The following R3HDM1 variants were observed in gnomAD, a reference collection of about 807,000 sequenced individuals.
R3HDM1 encodes the protein R3H domain containing 1, also known as R3H domain-containing protein 1.
In R3HDM1, 46 loss-of-function variants were observed where a neutral mutation model predicts 141.1. The ratio of observed to expected loss-of-function variants is 0.33; its 90% CI spans 0.26 to 0.42. R3HDM1 has a LOEUF of 0.42. R3HDM1 is among the 10% of genes least tolerant of loss of function. R3HDM1 has a pLI of 1.00. For missense variants in R3HDM1, 1,184 were observed against 1,368.3 expected (o/e 0.87, Z 2.12); for synonymous variants, 435 against 472.9 (o/e 0.92, Z 1.04).
At chr2:135,612,042 T>C (rs2060598003) in intron 3 of R3HDM1, among the ~76,000 whole-genome samples, 2 of 152,228 alleles carry the variant, frequency 1.3e-5, no homozygotes, top group African/African-American at 4.8e-5. Flanking sequence ...TTTGAGTATT[T>C]AACTCTGTGC....
At chr2:135,602,799 C>T in intron 2 of R3HDM1, 91 bp downstream of exon 2, 1 of 1,069,670 alleles carries the variant, frequency 9.3e-7, no homozygotes. Flanking sequence ...GTAACTTCAC[C>T]ACCCTCTCCC....
intron 1 of R3HDM1, chr2:135,566,806 T>A: frequency 1.0e-6 from 1 of 980,818 alleles, no homozygotes; most frequent in Non-Finnish European, 1.2e-6. Flanking sequence ...AAACCCCGTC[T>A]CTACAAAAAT....
Position 135,554,199 on chromosome 2 carries a change from A to T in R3HDM1, c.-250+22566A>T, listed in dbSNP as rs1359842617. On this transcript the variant is annotated intron_variant, in intron 1 of 26. Transcript: ENST00000683871. The stretch of plus-strand genomic sequence containing the variant: ...ACATTCTCCCTCTTCCCCAGTCCTC[A>T]GCAACCACTACTTTTCTGTCTCTAT... Among the ~76,000 whole-genome samples the T allele has an allele frequency of 3.3e-5, 5 of 152,196 alleles. No individual in the cohort carries two copies. The East Asian group carries it at 9.6e-4, about 29-fold the overall frequency.
chr2:135,710,122 C>T lies in R3HDM1; in HGVS notation c.2627C>T (p.Pro876Leu). The change falls in exon 23 of 27, where the codon CCA (proline) becomes CTA (leucine). Residue 876 changes from proline to leucine, a missense_variant. Physicochemically the swap from Pro to Leu is moderately conservative, Grantham distance 98 (BLOSUM62 -3). This residue lies in a region of R3HDM1 where 563 missense variants were observed against 562.0 expected (regional missense o/e 1.00). Transcript: ENST00000683871. ...VMMQLSVPNN[P>L]QSCAHSPPQW... ...ATGCAGCTCAGTGTACCAAACAATC[C>T]ACAATCTTGTGCCCACTCACCCCCG... The T allele has an allele frequency of 6.2e-7, 1 of 1,614,174 alleles. No homozygotes were observed. The highest frequency in any genetic ancestry group is 1.1e-5 in the South Asian group (1 of 91,090).
rs1275214505 is a variant in R3HDM1 at position 135,630,307 on chromosome 2, A to C, written c.498-1411A>C. Among the ~76,000 whole-genome samples, 318 of 146,160 alleles carry C rather than the reference A, an allele frequency of 2.2e-3. 2 individuals carry two copies. The highest frequency in any genetic ancestry group is 7.9e-3 in the African/African-American group (293 of 37,270). ...AAAAAAAAAAAAAAAAAAAAAAAAA[A>C]ACAAAAAAAAAACGAGATTCTCATA... is the stretch of plus-strand genomic sequence containing the variant. On this transcript the variant is annotated intron_variant, in intron 7 of 26. Coordinates refer to ENST00000683871, the MANE Select transcript of R3HDM1 (RefSeq NM_001378107.1).
intron 9 of R3HDM1, among the ~76,000 whole-genome samples, chr2:135,635,319 G>A (rs767686868): frequency 2.0e-5 from 3 of 152,058 alleles, no homozygotes; most frequent in Non-Finnish European, 2.9e-5. Flanking sequence ...GCATTTTTTC[G>A]TAGGTTTAGA....
At chr2:135,643,759 C>T (rs1174052259) in intron 15 of R3HDM1, among the ~76,000 whole-genome samples, 2 of 152,172 alleles carry the variant, frequency 1.3e-5, no homozygotes, top group African/African-American at 4.8e-5. Context: ...GGTACATATA[C>T]ACCATTAAAT....
chr2:135,605,096 C>G, intron 3 of R3HDM1, 80 bp downstream of exon 3: 1 of 1,250,284 alleles, frequency 8.0e-7, no homozygotes, highest in Middle Eastern at 2.9e-4. Context: ...AAACTCACTT[C>G]TCAAAATTCT....
At chr2:135,611,721 TATTTTTATA>T (rs1158737555) in intron 3 of R3HDM1, among the ~76,000 whole-genome samples, 1 of 152,196 alleles carries the variant, frequency 6.6e-6, no homozygotes, top group Non-Finnish European at 1.5e-5. Flanking sequence ...TTCCATAGTA[TATTTTTATA>T]ATTATTTCTA....
At chr2:135,536,842 C>A in intron 1 of R3HDM1, 3 of 443,452 alleles carry the variant, frequency 6.8e-6, no homozygotes, top group Non-Finnish European at 9.0e-6. Context: ...TCAGCGGTGG[C>A]ATTAGATTCT....
intron 19 of R3HDM1, among the ~76,000 whole-genome samples, chr2:135,672,539 T>C (rs993563179): frequency 6.6e-6 from 1 of 152,222 alleles, no homozygotes; most frequent in Non-Finnish European, 1.5e-5. Context: ...CTATTTATAC[T>C]GCTATCCTCA....
intron 1 of R3HDM1, among the ~76,000 whole-genome samples, chr2:135,599,102 G>A (rs2059418725): frequency 1.3e-5 from 2 of 152,046 alleles, no homozygotes; most frequent in African/African-American, 4.8e-5. Flanking sequence ...CTTTTTTAAG[G>A]TTATGACCTT....
Position 135,581,241 on chromosome 2 carries a change from G to A in R3HDM1, c.-249-21259G>A, listed in dbSNP as rs371758538. 16 of 985,364 alleles carry A rather than the reference G, an allele frequency of 1.6e-5. No homozygotes were observed. The East Asian group carries it at 4.5e-4, about 28-fold the overall frequency. The allele number at this position is 985,364 out of a possible 1,614,324, so 61.0% of individuals were successfully genotyped here. A position where few individuals can be genotyped will look rare whatever the true frequency, so the allele number is the denominator to read the frequency against. On this transcript the variant is annotated intron_variant, in intron 1 of 26. Coordinates refer to ENST00000683871, the MANE Select transcript of R3HDM1 (RefSeq NM_001378107.1). ...CCAGAGATACTGTATGAAGAAAGTG[G>A]GGTATAAGATCCTTGAGAGCATTGT...
chr2:135,683,720 G>A (rs947481709), intron 21 of R3HDM1, among the ~76,000 whole-genome samples: 10 of 151,990 alleles, frequency 6.6e-5, no homozygotes, highest in African/African-American at 1.9e-4. Context: ...AGTTTACTTG[G>A]AACCATCACT....
At chr2:135,686,768 A>G (rs57530667) in intron 21 of R3HDM1, among the ~76,000 whole-genome samples, 31,116 of 152,180 alleles carry the variant, frequency 0.2, 3,732 homozygotes, top group East Asian at 0.44. Context: ...ATGTACTGTA[A>G]TGGAACATTA....
intron 21 of R3HDM1, among the ~76,000 whole-genome samples, chr2:135,692,256 C>A (rs2072524587): frequency 6.6e-6 from 1 of 151,176 alleles, no homozygotes; most frequent in South Asian, 2.1e-4. Flanking sequence ...TTGTTTGTGT[C>A]ATGTGGAGTC....
rs750219179 is a variant in R3HDM1 at position 135,661,542 on chromosome 2, A to C, written c.2152+149A>C. The C allele has an allele frequency of 7.8e-6, 8 of 1,031,590 alleles. No homozygotes were observed. In the Admixed American group the frequency reaches 1.1e-4, roughly 14 times the overall value. The allele number at this position is 1,031,590 out of a possible 1,614,324, so 63.9% of individuals were successfully genotyped here. ...GTTTGCAAACCAATGAGATTAAAAG[A>C]GTGAGCAAATCTTAGCATCCTCTGG... On this transcript the variant is annotated intron_variant, in intron 19 of 26. Transcript: ENST00000683871.
chr2:135,676,058 G>A (rs921749486), intron 20 of R3HDM1, among the ~76,000 whole-genome samples: 1 of 152,138 alleles, frequency 6.6e-6, no homozygotes, highest in Non-Finnish European at 1.5e-5. Context: ...AGGCACAGTG[G>A]CTCACACCTG....
At chr2:135,553,024 A>G (rs181890085) in intron 1 of R3HDM1, among the ~76,000 whole-genome samples, 6 of 151,978 alleles carry the variant, frequency 3.9e-5, no homozygotes, top group Non-Finnish European at 7.4e-5. Context: ...GACCACAGAC[A>G]TGTGCCACCG....
Sources: gnomAD v4.1 joint callset for allele counts (sites outside exome capture counted in the v4.1 genomes callset) on GRCh38, gnomAD v4.1.1 for gene constraint, gnomAD v4.1.1 regional missense constraint, MANE v1.5 for transcripts, NCBI Gene and HGNC (gene_info 2026-07-23, HGNC 2026-07-21) for gene names.